The following RIPOR2 variants were observed in gnomAD, a reference collection of about 807,000 sequenced individuals.
RIPOR2 encodes the protein rho family-interacting cell polarization regulator 2.
A neutral mutation model predicts 114.5 loss-of-function variants in RIPOR2; 39 were observed. The observed-to-expected ratio is 0.34, with a 90% CI of 0.26 to 0.44. The LOEUF (loss-of-function observed/expected upper bound fraction) is 0.44, where lower values mean the gene tolerates loss of function less well. Ranked by LOEUF, RIPOR2 falls within the 20% of genes least tolerant of loss-of-function variation. RIPOR2 has a pLI of 1.00. For synonymous variants in RIPOR2, 445 were observed against 484.4 expected, an observed-to-expected ratio of 0.92 and a Z score of 1.07; for missense variants, 1,007 against 1,255.1, an observed-to-expected ratio of 0.80 and a Z score of 2.99.
At chr6:24,850,322 T>G (rs1383881044) in intron 10 of RIPOR2, among the ~76,000 whole-genome samples, 3 of 152,168 alleles carry the variant, frequency 2.0e-5, no homozygotes, top group Non-Finnish European at 4.4e-5. Flanking sequence ...CTCGACCTCC[T>G]GGGCTCAAGT....
chr6:24,992,894 A>C (rs1774886034), intron 1 of RIPOR2, among the ~76,000 whole-genome samples: 1 of 152,214 alleles, frequency 6.6e-6, no homozygotes, highest in African/African-American at 2.4e-5. Flanking sequence ...ATGATTTTAA[A>C]ACAACGACAG....
intron 1 of RIPOR2, among the ~76,000 whole-genome samples, chr6:24,902,607 A>C (rs1019484500): frequency 1.3e-5 from 2 of 152,192 alleles, no homozygotes; most frequent in African/African-American, 2.4e-5. Context: ...TACTTGCTAC[A>C]TTGAGACAGC....
intron 1 of RIPOR2, chr6:25,024,145 G>C (rs1026936901): frequency 1.5e-5 from 16 of 1,037,230 alleles, no homozygotes; most frequent in Non-Finnish European, 2.1e-5. Flanking sequence ...GTGGCGCCGC[G>C]GGACACCCCC....
chr6:24,876,298 A>AT (rs1340697464), intron 1 of RIPOR2, among the ~76,000 whole-genome samples: 3 of 152,198 alleles, frequency 2.0e-5, no homozygotes, highest in African/African-American at 7.2e-5. Flanking sequence ...CTAAAAAAAA[A>AT]GAAAAGAAGA....
rs1219651540 is a variant in RIPOR2, at chr6:24,839,269, T to C, written c.1861A>G (p.Lys621Glu). The change falls in exon 14 of 22, where the codon AAG becomes GAG. Residue 621 changes from lysine to glutamate, a missense_variant. Physicochemically the swap from Lys to Glu is moderately conservative, Grantham distance 56 (BLOSUM62 1). Transcript: ENST00000643898. Reference protein sequence around the residue: ...VMNLDDILKCKPAVSRSRSSS... With the variant: ...VMNLDDILKCEPAVSRSRSSS... Reference sequence around the variant, plus strand: ...GACCTGCTGCGGCTTACTGCTGGCTTGCACTGTAAAGGCAGAAGGCACCAG... The same window carrying C: ...GACCTGCTGCGGCTTACTGCTGGCTCGCACTGTAAAGGCAGAAGGCACCAG... The C allele has an allele frequency of 1.9e-6, 3 of 1,551,542 alleles. No homozygotes were observed. In the African/African-American group the frequency reaches 4.1e-5, roughly 21 times the overall value.
intron 1 of RIPOR2, among the ~76,000 whole-genome samples, chr6:25,004,528 G>C (rs1775463365): frequency 6.6e-6 from 1 of 152,138 alleles, no homozygotes; most frequent in African/African-American, 2.4e-5. Context: ...TGCCAAGAAG[G>C]GAGATGAGTG....
chr6:24,963,864 C>T (rs1773409661), intron 1 of RIPOR2, among the ~76,000 whole-genome samples: 1 of 151,800 alleles, frequency 6.6e-6, no homozygotes, highest in Non-Finnish European at 1.5e-5. Context: ...TCTAACTTTT[C>T]TTTTGAAATA....
chr6:24,855,279 T>C (rs142786808), intron 8 of RIPOR2, among the ~76,000 whole-genome samples: 80 of 152,226 alleles, frequency 5.3e-4, no homozygotes, highest in African/African-American at 1.8e-3. Flanking sequence ...TCACATACCT[T>C]GGCAGGGAGT....
intron 7 of RIPOR2, 24 bp from the exon 8 acceptor site, chr6:24,861,060 C>G: frequency 6.4e-7 from 1 of 1,568,842 alleles, no homozygotes; most frequent in South Asian, 1.1e-5. Context: ...AGGAGACGAT[C>G]ATGAGAGCTA....
chr6:24,930,823 G>A (rs902893528), intron 1 of RIPOR2, among the ~76,000 whole-genome samples: 9 of 152,226 alleles, frequency 5.9e-5, no homozygotes, highest in Non-Finnish European at 1.2e-4. Context: ...CAGGAAACTA[G>A]GGCAGCCTCT....
intron 1 of RIPOR2, among the ~76,000 whole-genome samples, chr6:24,962,637 G>T (rs389231): frequency 0.48 from 47,945 of 99,106 alleles, 8,193 homozygotes; most frequent in Non-Finnish European, 0.61. Flanking sequence ...AAACTTCATG[G>T]TTTTTTTTTA....
intron 1 of RIPOR2, chr6:25,023,169 C>T (rs897909360): frequency 3.2e-5 from 19 of 589,516 alleles, no homozygotes; most frequent in Non-Finnish European, 5.5e-5. Context: ...GTCACAATTA[C>T]AAATTATCAC....
At chr6:24,978,771 A>AT (rs993680583) in intron 1 of RIPOR2, among the ~76,000 whole-genome samples, 1 of 152,194 alleles carries the variant, frequency 6.6e-6, no homozygotes, top group Non-Finnish European at 1.5e-5. Flanking sequence ...AATGGGAATA[A>AT]TTTTTGTTCC....
At chr6:24,948,887 G>A (rs928802750) in intron 1 of RIPOR2, among the ~76,000 whole-genome samples, 1 of 152,104 alleles carries the variant, frequency 6.6e-6, no homozygotes, top group Non-Finnish European at 1.5e-5. Context: ...GTTGACCACA[G>A]GGAAACTTTG....
chr6:25,015,891 TTTTG>T (rs753117201), intron 1 of RIPOR2: 1 of 23,082 alleles, frequency 4.3e-5, no homozygotes, highest in Non-Finnish European at 8.5e-5. Context: ...AACGCAGGTT[TTTTG>T]GTTTTTTTTT....
rs1774091367 is a variant in RIPOR2, at chr6:24,977,014, C to A, written c.76+64837G>T. On this transcript the variant is annotated intron_variant, in intron 1 of 13. Transcript: ENST00000510784. Reference sequence around the variant, plus strand: ...TTGTGTTTTATCTTAACCACCAGATCATTCCTTCTGTAGCTCAGGAGAGCA... The same window carrying A: ...TTGTGTTTTATCTTAACCACCAGATAATTCCTTCTGTAGCTCAGGAGAGCA... The A allele has an allele frequency of 7.4e-6, 11 of 1,489,738 alleles. No homozygotes were observed. In the South Asian group the frequency reaches 1.1e-4, roughly 15 times the overall value. 92.3% of individuals were successfully genotyped at this position (1,489,738 alleles called of 1,614,324 possible). A position where few individuals can be genotyped will look rare whatever the true frequency, so the allele number is the denominator to read the frequency against.
chr6:24,938,954 G>T (rs1771965422), upstream of RIPOR2, among the ~76,000 whole-genome samples: 1 of 152,106 alleles, frequency 6.6e-6, no homozygotes. Flanking sequence ...ACTTTGAAAG[G>T]TCTCAGAAAA....
chr6:24,979,667 C>A (rs986938652), intron 1 of RIPOR2, among the ~76,000 whole-genome samples: 2 of 152,118 alleles, frequency 1.3e-5, no homozygotes, highest in Non-Finnish European at 2.9e-5. Context: ...GGACCCAGAG[C>A]CAAATAAATG....
chr6:25,035,949 C>G (rs142877329), intron 1 of RIPOR2, among the ~76,000 whole-genome samples: 1 of 152,172 alleles, frequency 6.6e-6, no homozygotes, highest in African/African-American at 2.4e-5. Context: ...CAGAGCTGCA[C>G]GTGCAGTGAG....
Sources: allele counts gnomAD v4.1 joint callset (sites outside exome capture counted in the v4.1 genomes callset), GRCh38; gene constraint gnomAD v4.1.1; transcripts MANE v1.5; gene names NCBI Gene and HGNC (gene_info 2026-07-23, HGNC 2026-07-21).